RGS6: variants seen among roughly 807,000 people sequenced by gnomAD.
The protein encoded by RGS6 is regulator of G-protein signaling 6.
In RGS6, 30 loss-of-function variants were observed where a neutral mutation model predicts 78.5. That is an observed-to-expected ratio of 0.38 (90% CI 0.29 to 0.52). RGS6 has a LOEUF of 0.52. Ranked by LOEUF, RGS6 falls within the 20% of genes least tolerant of loss-of-function variation. RGS6 has a pLI of 0.85. For synonymous variants in RGS6, 206 were observed against 206.0 expected, an observed-to-expected ratio of 1.00 and a Z score of 0.00; for missense variants, 495 against 609.7, an observed-to-expected ratio of 0.81 and a Z score of 1.98.
At chr14:72,586,342 C>T in the RGS6 span, among the ~76,000 whole-genome samples, 143 of 152,308 alleles carry the variant, frequency 9.4e-4, no homozygotes, top group Non-Finnish European at 1.6e-3. Context: ...TTAGCTCTCA[C>T]TCTTAGTTCT....
intron 3 of RGS6, among the ~76,000 whole-genome samples, chr14:72,369,066 A>C (rs949722752): frequency 3.9e-5 from 6 of 152,142 alleles, no homozygotes; most frequent in African/African-American, 1.4e-4. Context: ...CACACACAAA[A>C]ATCTCATAAT....
the RGS6 span, among the ~76,000 whole-genome samples, chr14:71,898,024 GTTGT>G: frequency 1.4e-5 from 2 of 145,830 alleles, no homozygotes; most frequent in Admixed American, 1.4e-4. Context: ...TTTTTTTTTG[GTTGT>G]TTGTTTTGGG....
At chr14:72,225,951 A>G (rs954921497) in intron 2 of RGS6, among the ~76,000 whole-genome samples, 7 of 152,198 alleles carry the variant, frequency 4.6e-5, no homozygotes, top group African/African-American at 1.7e-4. Context: ...GCTTATAGCC[A>G]TTAACATTTG....
chr14:72,331,572 G>C (rs1238043118), intron 2 of RGS6, among the ~76,000 whole-genome samples: 1 of 152,154 alleles, frequency 6.6e-6, no homozygotes, highest in Non-Finnish European at 1.5e-5. Flanking sequence ...GGGTCCCTTT[G>C]AGACCGCAGT....
intron 2 of RGS6, among the ~76,000 whole-genome samples, chr14:72,174,973 C>T (rs1168752257): frequency 1.3e-5 from 2 of 152,142 alleles, no homozygotes; most frequent in East Asian, 3.8e-4. Flanking sequence ...GTTGCCTGAG[C>T]GTCCAGGTCC....
In RGS6 at chr14:72,461,486, C is replaced by T. The variant is rs1055529197; in HGVS notation, c.394+1803C>T. Among the ~76,000 whole-genome samples the T allele has an allele frequency of 2.6e-5, 4 of 152,158 alleles. No homozygotes were observed. The East Asian group carries it at 7.7e-4, about 29-fold the overall frequency. On this transcript the variant is annotated intron_variant, in intron 6 of 17. Coordinates refer to ENST00000553525, the MANE Select transcript of RGS6 (RefSeq NM_001204424.2). ...AAAATTATTTTAAATTCCTGTGCCT[C>T]AATTTATGGCAAATCAGAGGGAGAA... is the stretch of plus-strand genomic sequence containing the variant.
At chr14:72,294,287 A>G (rs943318865) in intron 2 of RGS6, among the ~76,000 whole-genome samples, 4 of 152,350 alleles carry the variant, frequency 2.6e-5, no homozygotes, top group Non-Finnish European at 2.9e-5. Flanking sequence ...CTAAAGCCAC[A>G]TGGTTCAAAC....
At chr14:72,048,037 G>A (rs1054991118) in intron 2 of RGS6, among the ~76,000 whole-genome samples, 6 of 151,606 alleles carry the variant, frequency 4.0e-5, no homozygotes, top group Non-Finnish European at 8.8e-5. Flanking sequence ...CTACCACATG[G>A]TACCTGGATG....
the RGS6 span, among the ~76,000 whole-genome samples, chr14:71,889,227 A>G: frequency 6.6e-6 from 1 of 152,082 alleles, no homozygotes; most frequent in East Asian, 1.9e-4. Context: ...GGTGTGTTTG[A>G]CGTAGGAGGA....
chr14:72,056,555 A>G (rs2093631354), intron 2 of RGS6, among the ~76,000 whole-genome samples: 1 of 152,232 alleles, frequency 6.6e-6, no homozygotes. Context: ...TTCACCCTAA[A>G]ACAATGACTT....
chr14:71,903,368 G>A, the RGS6 span, among the ~76,000 whole-genome samples: 2 of 152,144 alleles, frequency 1.3e-5, no homozygotes, highest in African/African-American at 4.8e-5. Flanking sequence ...AATCCTACTT[G>A]GCTAACTATT....
At chr14:72,191,256 T>A (rs868642537) in intron 2 of RGS6, among the ~76,000 whole-genome samples, 30 of 152,206 alleles carry the variant, frequency 2.0e-4, no homozygotes, top group Admixed American at 1.3e-4. Context: ...ATTTTAAAAA[T>A]GTTCTTGGCA....
At chr14:71,874,253 A>G in the RGS6 span, among the ~76,000 whole-genome samples, 47,437 of 151,568 alleles carry the variant, frequency 0.31, 7,661 homozygotes, top group South Asian at 0.41. Context: ...TTTTCACGAT[A>G]TTGATTCTTC....
At chr14:72,227,910 A>G (rs2048520640) in intron 2 of RGS6, among the ~76,000 whole-genome samples, 1 of 152,146 alleles carries the variant, frequency 6.6e-6, no homozygotes, top group Non-Finnish European at 1.5e-5. Flanking sequence ...TGTGCCAGTA[A>G]TTACAATTAT....
chr14:72,190,864 A>T (rs550992542), intron 2 of RGS6, among the ~76,000 whole-genome samples: 1 of 152,310 alleles, frequency 6.6e-6, no homozygotes, highest in East Asian at 1.9e-4. Context: ...GAGGCCTTTC[A>T]AAACCCCTGT....
chr14:72,626,093 G>A, the RGS6 span, among the ~76,000 whole-genome samples: 4 of 151,918 alleles, frequency 2.6e-5, no homozygotes, highest in South Asian at 2.1e-4. Flanking sequence ...ATCTATTTAC[G>A]TTATACTGTT....
At chr14:71,916,610 C>A in the RGS6 span, among the ~76,000 whole-genome samples, 9 of 152,226 alleles carry the variant, frequency 5.9e-5, no homozygotes, top group East Asian at 1.7e-3. Flanking sequence ...TTTAGGAATT[C>A]TCCAGACGCC....
intron 3 of RGS6, among the ~76,000 whole-genome samples, chr14:72,443,369 C>T (rs2095268481): frequency 6.6e-6 from 1 of 152,186 alleles, no homozygotes; most frequent in Admixed American, 6.5e-5. Context: ...ACTCACACAC[C>T]CTGCTGTGCA....
intron 2 of RGS6, 89 bp downstream of exon 2, chr14:71,964,964 C>A: frequency 1.1e-6 from 1 of 886,096 alleles, no homozygotes. Flanking sequence ...TGTTTTCTGC[C>A]TAAACTGCCT....
Sources: allele counts gnomAD v4.1 joint callset (sites outside exome capture counted in the v4.1 genomes callset), GRCh38; gene constraint gnomAD v4.1.1; transcripts MANE v1.5; gene names NCBI Gene and HGNC (gene_info 2026-07-23, HGNC 2026-07-21).